PTPRD: variants seen among roughly 807,000 people sequenced by gnomAD.
The protein encoded by PTPRD is receptor-type tyrosine-protein phosphatase delta.
A neutral mutation model predicts 214.5 loss-of-function variants in PTPRD; 34 were observed. That is an observed-to-expected ratio of 0.16 (90% CI 0.12 to 0.21). The LOEUF is 0.21. PTPRD is among the 10% of genes least tolerant of loss of function. The pLI, the probability that PTPRD is intolerant of heterozygous loss-of-function variation, is 1.00. For missense variants in PTPRD, 2,545 were observed against 2,398.7 expected, an observed-to-expected ratio of 1.06 and a Z score of -1.27; for synonymous variants, 1,128 against 845.7, an observed-to-expected ratio of 1.33 and a Z score of -5.79.
intron 12 of PTPRD, among the ~76,000 whole-genome samples, chr9:8,685,476 C>T (rs74834717): frequency 6.6e-6 from 1 of 152,034 alleles, no homozygotes; most frequent in Non-Finnish European, 1.5e-5. Flanking sequence ...TGTGGGCAAA[C>T]GCTGCATGTA....
rs1322288 is a variant in PTPRD at position 10,590,331 on chromosome 9, G to C, written c.-600+22067C>G. On this transcript the variant is annotated intron_variant, in intron 2 of 45. Transcript: ENST00000381196. ...CATTTTAAAAATCAGCTTAATTGAGGTATAATTTATATACAATTAAATGCA... is the reference window on the plus strand; with the variant it reads ...CATTTTAAAAATCAGCTTAATTGAGCTATAATTTATATACAATTAAATGCA... 9.6e-4 allele frequency among the ~76,000 whole-genome samples: 146 copies of C among 151,972 alleles called. 2 individuals carry two copies. The South Asian group carries it at 0.029, about 31-fold the overall frequency.
rs2132433936 is a variant in PTPRD at position 8,341,190 on chromosome 9, C to T, written c.5026G>A (p.Val1676Ile). The T allele has an allele frequency of 6.2e-7, 1 of 1,612,424 alleles. No homozygotes were observed. The highest frequency in any genetic ancestry group is 8.5e-7 in the Non-Finnish European group (1 of 1,179,338). The change falls in exon 41 of 46, where the codon GTT becomes ATT. Residue 1676 changes from valine (V) to isoleucine (I), a missense_variant. Transcript: ENST00000381196. ...GTGGATTCATATGGCATAATATTAA[C>T]AAGGCGATTTTTGAATTTATTACAT... ...LPCNKFKNRL[V>I]NIMPYESTRV...
At chr9:10,484,394 CA>C (rs1333446616) in intron 2 of PTPRD, among the ~76,000 whole-genome samples, 12 of 152,176 alleles carry the variant, frequency 7.9e-5, no homozygotes, top group South Asian at 2.1e-4. Flanking sequence ...TACCACTATA[CA>C]ATTCATCTAT....
At chr9:10,245,866 T>C (rs1042535406) in intron 3 of PTPRD, among the ~76,000 whole-genome samples, 7 of 152,116 alleles carry the variant, frequency 4.6e-5, no homozygotes, top group Admixed American at 2.6e-4. Context: ...GGGATTTTCT[T>C]AAAGCTTCAA....
intron 14 of PTPRD, among the ~76,000 whole-genome samples, chr9:8,613,314 C>T (rs896593851): frequency 6.6e-6 from 1 of 151,880 alleles, no homozygotes; most frequent in Admixed American, 6.6e-5. Flanking sequence ...GAAGAGAGAG[C>T]AGGAAGGGGA....
chr9:9,357,713 A>AT, intron 9 of PTPRD, among the ~76,000 whole-genome samples: 1 of 135,250 alleles, frequency 7.4e-6, no homozygotes, highest in Admixed American at 7.4e-5. Context: ...AGTTTTTAAA[A>AT]TAAAAAAAAA....
At chr9:10,066,898 T>A (rs772897556) in intron 3 of PTPRD, among the ~76,000 whole-genome samples, 1 of 151,818 alleles carries the variant, frequency 6.6e-6, no homozygotes, top group Non-Finnish European at 1.5e-5. Flanking sequence ...GAGTAAAACA[T>A]ATCTTACAGA....
At chr9:9,248,119 G>T (rs1361910409) in intron 9 of PTPRD, among the ~76,000 whole-genome samples, 2 of 151,738 alleles carry the variant, frequency 1.3e-5, no homozygotes, top group African/African-American at 4.8e-5. Context: ...TTGAGACAGG[G>T]TCTCACTCTG....
At chr9:9,939,539 T>C (rs564404334) in intron 4 of PTPRD, among the ~76,000 whole-genome samples, 19 of 152,270 alleles carry the variant, frequency 1.2e-4, no homozygotes, top group East Asian at 5.8e-4. Flanking sequence ...AAAACCAGGA[T>C]TGACCAGGTC....
At chr9:9,238,549 C>G (rs2099968492) in intron 9 of PTPRD, among the ~76,000 whole-genome samples, 1 of 152,116 alleles carries the variant, frequency 6.6e-6, no homozygotes. Flanking sequence ...CTAAAGGGAT[C>G]TTAGAGTCAA....
At chr9:10,465,890 C>A (rs188711998) in intron 2 of PTPRD, among the ~76,000 whole-genome samples, 75 of 152,278 alleles carry the variant, frequency 4.9e-4, no homozygotes, top group Non-Finnish European at 7.8e-4. Context: ...ATACTATAAA[C>A]TAACTGCTAC....
At chr9:9,198,710 G>A (rs1002837812) in intron 9 of PTPRD, among the ~76,000 whole-genome samples, 1 of 152,190 alleles carries the variant, frequency 6.6e-6, no homozygotes, top group African/African-American at 2.4e-5. Flanking sequence ...AAATAAAAAT[G>A]AAGTGGATAG....
At chr9:10,511,798 C>T (rs1232475708) in intron 2 of PTPRD, among the ~76,000 whole-genome samples, 1 of 148,570 alleles carries the variant, frequency 6.7e-6, no homozygotes, top group Non-Finnish European at 1.5e-5. Flanking sequence ...ACCACATGTC[C>T]TTTACTCAAC....
chr9:8,823,574 C>T (rs2097115596), intron 11 of PTPRD, among the ~76,000 whole-genome samples: 1 of 151,980 alleles, frequency 6.6e-6, no homozygotes, highest in African/African-American at 2.4e-5. Context: ...TCACCTGGGC[C>T]AGGGAGGTCG....
At chr9:10,033,942 C>G (rs1219374695) in intron 3 of PTPRD, among the ~76,000 whole-genome samples, 152 bp from the exon 4 acceptor site, 3 of 151,918 alleles carry the variant, frequency 2.0e-5, no homozygotes, top group Admixed American at 6.6e-5. Flanking sequence ...GAAATGATAC[C>G]TTAAAATGAG....
At chr9:10,000,769 G>A (rs2096287686) in intron 4 of PTPRD, among the ~76,000 whole-genome samples, 1 of 152,180 alleles carries the variant, frequency 6.6e-6, no homozygotes, top group South Asian at 2.1e-4. Flanking sequence ...AACCAACATG[G>A]CCAGCTTGGT....
chr9:9,575,364 A>C (rs975650123), intron 7 of PTPRD, among the ~76,000 whole-genome samples: 2 of 152,116 alleles, frequency 1.3e-5, no homozygotes, highest in African/African-American at 4.8e-5. Context: ...GCTAGTTATT[A>C]TTATTGTCTT....
At chr9:8,794,955 GATTA>G (rs1343231712) in intron 11 of PTPRD, among the ~76,000 whole-genome samples, 3 of 151,594 alleles carry the variant, frequency 2.0e-5, no homozygotes, top group Non-Finnish European at 4.4e-5. Context: ...TTGTACTGCT[GATTA>G]ATTATTTGGA....
intron 12 of PTPRD, among the ~76,000 whole-genome samples, chr9:8,698,162 G>C (rs921633890): frequency 2.0e-5 from 3 of 152,196 alleles, no homozygotes; most frequent in Admixed American, 2.0e-4. Context: ...GATCAAAGTT[G>C]ATGATGTAGA....
Sources: gnomAD v4.1 joint callset for allele counts (sites outside exome capture counted in the v4.1 genomes callset) on GRCh38, gnomAD v4.1.1 for gene constraint, MANE v1.5 for transcripts, NCBI Gene and HGNC (gene_info 2026-07-23, HGNC 2026-07-21) for gene names.